The following SLC16A9 variants were observed in gnomAD, a reference collection of about 807,000 sequenced individuals.
The protein encoded by SLC16A9 is solute carrier family 16 member 9.
In SLC16A9, 26 loss-of-function variants were observed where a neutral mutation model predicts 44.3. The observed-to-expected ratio is 0.59, with a 90% confidence interval of 0.43 to 0.81. The LOEUF (loss-of-function observed/expected upper bound fraction) is 0.81. Among genes scored for constraint, SLC16A9 ranks in the 40% least tolerant of loss-of-function variants. The probability of loss-of-function intolerance (pLI) is 0.00; values close to 1 mark genes in which losing one functional copy is unlikely to be tolerated. For synonymous variants in SLC16A9, 230 were observed against 225.1 expected (o/e 1.02, Z -0.19); for missense variants, 559 against 595.8 (o/e 0.94, Z 0.64).
intron 2 of SLC16A9, among the ~76,000 whole-genome samples, chr10:59,683,740 G>C (rs963160223): frequency 1.2e-4 from 19 of 152,120 alleles, no homozygotes; most frequent in African/African-American, 4.1e-4. Context: ...TCATCTCCCT[G>C]ACTCATTCTT....
In SLC16A9 at chr10:59,653,688, T is replaced by G. The variant is rs1160139517; in HGVS notation, c.1338A>C (p.Gly446=). 2 of 1,613,060 alleles carry G rather than the reference T, an allele frequency of 1.2e-6. No homozygotes were observed. The stretch of plus-strand genomic sequence containing the variant: ...TAAATATCTTACCAACGATGGGTGG[T>G]CCTAGGCTATTTCCAAGTCCAGCAA... ...MFFAGLGNSL[G]PPIVGWFYDW... is the part of the protein sequence containing the mutation. Residue 446 remains glycine, a synonymous_variant, in exon 5 of 6, where the codon GGA becomes GGC. Transcript: ENST00000395348.
intron 3 of SLC16A9, among the ~76,000 whole-genome samples, chr10:59,668,864 T>C (rs1339560447): frequency 6.6e-6 from 1 of 151,840 alleles, no homozygotes; most frequent in Admixed American, 6.6e-5. Context: ...TTCAATTATA[T>C]AACAATTTTG....
chr10:59,696,848 C>A (rs1207711330), intron 1 of SLC16A9, among the ~76,000 whole-genome samples: 1 of 149,020 alleles, frequency 6.7e-6, no homozygotes, highest in African/African-American at 2.5e-5. Flanking sequence ...GTCTGAGAAG[C>A]GAGGAGCCCC....
chr10:59,666,099 G>T (rs867392701), intron 3 of SLC16A9, among the ~76,000 whole-genome samples: 1 of 152,054 alleles, frequency 6.6e-6, no homozygotes. Context: ...AGTTTGAGAT[G>T]AGCCTGGCCA....
At chr10:59,658,532 T>C (rs990741053) in intron 4 of SLC16A9, among the ~76,000 whole-genome samples, 2 of 152,188 alleles carry the variant, frequency 1.3e-5, no homozygotes, top group Non-Finnish European at 1.5e-5. Flanking sequence ...ACAGTGTGGA[T>C]CCAGGCTTGT....
At chr10:59,681,338 A>C (rs373127981) in intron 2 of SLC16A9, among the ~76,000 whole-genome samples, 4 of 151,714 alleles carry the variant, frequency 2.6e-5, no homozygotes, top group South Asian at 2.1e-4. Context: ...AAAGAGGATA[A>C]CATCAAATAC....
chr10:59,655,576 T>A (rs1839332033), intron 4 of SLC16A9, among the ~76,000 whole-genome samples: 1 of 152,218 alleles, frequency 6.6e-6, no homozygotes, highest in African/African-American at 2.4e-5. Flanking sequence ...TTACAAAGTA[T>A]GCTGGTTTAT....
At chr10:59,655,091 A>G (rs979621552) in intron 4 of SLC16A9, among the ~76,000 whole-genome samples, 8 of 152,146 alleles carry the variant, frequency 5.3e-5, no homozygotes, top group African/African-American at 9.7e-5. Flanking sequence ...GGAGTTCGAG[A>G]CCATCCTGGC....
At chr10:59,669,136 T>C (rs1273503745) in intron 3 of SLC16A9, among the ~76,000 whole-genome samples, 1 of 152,138 alleles carries the variant, frequency 6.6e-6, no homozygotes, top group Non-Finnish European at 1.5e-5. Context: ...CAATATATTC[T>C]AAAGAAAAGA....
chr10:59,663,641 G>T (rs527752376), intron 4 of SLC16A9, among the ~76,000 whole-genome samples: 1 of 152,052 alleles, frequency 6.6e-6, no homozygotes, highest in Non-Finnish European at 1.5e-5. Context: ...ATAGCATTAG[G>T]AGAAATACCT....
At position 59,652,496 on chromosome 10, in the gene SLC16A9, C is replaced by A; in HGVS notation, c.*276G>T. 1 of 250,662 alleles carries A rather than the reference C, an allele frequency of 4.0e-6. No individual in the cohort carries two copies. The allele number at this position is 250,662 out of a possible 1,614,324, so 15.5% of individuals were successfully genotyped here. On this transcript the variant is annotated 3_prime_UTR_variant, in exon 6 of 6. Transcript: ENST00000395348. The stretch of plus-strand genomic sequence containing the variant: ...AGAAAGCCTTCTGAGGCTGGTCAAA[C>A]TTTTTACAATGTTAAGAACTAGTGA...
At chr10:59,703,894 G>T (rs1228578019) in intron 1 of SLC16A9, among the ~76,000 whole-genome samples, 1 of 151,668 alleles carries the variant, frequency 6.6e-6, no homozygotes, top group Admixed American at 6.6e-5. Context: ...AATTCTTTTG[G>T]TATTTTTTTA....
At position 59,672,785 on chromosome 10, in the gene SLC16A9, A is replaced by G. The variant is rs1279598621; in HGVS notation, c.325T>C (p.Tyr109His). 6.2e-7 allele frequency: 1 copy of G among 1,613,316 alleles called. No individual in the cohort carries two copies. The highest frequency in any genetic ancestry group is 8.5e-7 in the Non-Finnish European group (1 of 1,179,680). ...GGTTCCTTACCTACAACAATGCCATAGGAAAAAAACAGAAAGTAGATATTG... is the reference window on the plus strand; with the variant it reads ...GGTTCCTTACCTACAACAATGCCATGGGAAAAAAACAGAAAGTAGATATTG... ...APNIYFLFFS[Y>H]GIVVGLGCGL... is the part of the protein sequence containing the mutation. Residue 109 changes from tyrosine (Y) to histidine (H), a missense_variant, in exon 3 of 6, where the codon TAT (tyrosine) becomes CAT (histidine). Tyr to His is a moderately conservative substitution (Grantham distance 83). Transcript: ENST00000395348.
chr10:59,671,632 G>A (rs1028276812), intron 3 of SLC16A9, among the ~76,000 whole-genome samples: 2 of 152,110 alleles, frequency 1.3e-5, no homozygotes, highest in African/African-American at 4.8e-5. Context: ...AGCAATAAGA[G>A]GTATCATTCC....
chr10:59,694,427 T>C (rs1285774568), intron 1 of SLC16A9, among the ~76,000 whole-genome samples: 1 of 152,132 alleles, frequency 6.6e-6, no homozygotes, highest in Non-Finnish European at 1.5e-5. Context: ...ATCTTAAAAA[T>C]GAATGCTATT....
intron 3 of SLC16A9, among the ~76,000 whole-genome samples, chr10:59,667,330 A>G (rs554908366): frequency 4.6e-5 from 7 of 152,310 alleles, no homozygotes; most frequent in Admixed American, 1.3e-4. Context: ...ATATACTTCA[A>G]TCAAGAAGCA....
chr10:59,688,993 C>T (rs978934674), intron 1 of SLC16A9, among the ~76,000 whole-genome samples: 10 of 151,988 alleles, frequency 6.6e-5, no homozygotes, highest in Admixed American at 4.6e-4. Context: ...GCCCTGCCTT[C>T]GGTGACATTT....
At chr10:59,660,363 C>G (rs2132414293) in intron 4 of SLC16A9, among the ~76,000 whole-genome samples, 1 of 152,252 alleles carries the variant, frequency 6.6e-6, no homozygotes. Flanking sequence ...TCAGAGAATA[C>G]TATAAACACC....
At chr10:59,667,564 T>G (rs11006674) in intron 3 of SLC16A9, among the ~76,000 whole-genome samples, 4,471 of 152,318 alleles carry the variant, frequency 0.029, 203 homozygotes, top group African/African-American at 0.1. Context: ...TATTTTTAAG[T>G]GTCTTATCTC....
Sources: gnomAD v4.1 joint callset for allele counts (sites outside exome capture counted in the v4.1 genomes callset) on GRCh38, gnomAD v4.1.1 for gene constraint, MANE v1.5 for transcripts, NCBI Gene and HGNC (gene_info 2026-07-23, HGNC 2026-07-21) for gene names.